SCN8A: variants seen among roughly 807,000 people sequenced by gnomAD.
SCN8A encodes the protein sodium voltage-gated channel alpha subunit 8, also known as sodium channel protein type 8 subunit alpha.
A neutral mutation model predicts 184.1 loss-of-function variants in SCN8A; 30 were observed. That is an observed-to-expected ratio of 0.16 (90% CI 0.12 to 0.22). The LOEUF (loss-of-function observed/expected upper bound fraction) is 0.22, where lower values mean the gene tolerates loss of function less well. Ranked by LOEUF, SCN8A falls within the 10% of genes least tolerant of loss-of-function variation. The pLI, the probability that SCN8A is intolerant of heterozygous loss-of-function variation, is 1.00. For synonymous variants in SCN8A, 852 were observed against 907.0 expected (o/e 0.94, Z 1.09); for missense variants, 1,057 against 2,498.9 (o/e 0.42, Z 12.30).
intron 1 of SCN8A, among the ~76,000 whole-genome samples, chr12:51,626,922 G>A (rs1338459249): frequency 1.3e-5 from 2 of 151,950 alleles, no homozygotes; most frequent in Non-Finnish European, 1.5e-5. Flanking sequence ...GAACATGTAA[G>A]CAAAAGCATG....
intron 21 of SCN8A, among the ~76,000 whole-genome samples, chr12:51,784,537 C>T (rs888780355): frequency 2.0e-5 from 3 of 152,052 alleles, no homozygotes; most frequent in Non-Finnish European, 2.9e-5. Flanking sequence ...CCAGCCTGGT[C>T]GACAGAGTGA....
intron 12 of SCN8A, among the ~76,000 whole-genome samples, chr12:51,728,443 C>T (rs1942187978): frequency 2.0e-5 from 3 of 151,920 alleles, no homozygotes; most frequent in Admixed American, 2.0e-4. Flanking sequence ...ACAATAGTCC[C>T]CTAATGAGAG....
chr12:51,652,605 G>A (rs1390009410), intron 1 of SCN8A, among the ~76,000 whole-genome samples: 1 of 152,116 alleles, frequency 6.6e-6, no homozygotes, highest in Non-Finnish European at 1.5e-5. Context: ...ACTGCTTGCA[G>A]TACCCAAGTG....
chr12:51,765,393 G>T (rs1173843127), intron 15 of SCN8A, among the ~76,000 whole-genome samples: 1 of 152,116 alleles, frequency 6.6e-6, no homozygotes, highest in Non-Finnish European at 1.5e-5. Flanking sequence ...TTTTCAAAAA[G>T]CAGACTGACT....
intron 2 of SCN8A, among the ~76,000 whole-genome samples, chr12:51,669,910 AG>A (rs1451888369): frequency 2.1e-4 from 32 of 152,222 alleles, no homozygotes; most frequent in African/African-American, 7.5e-4. Context: ...TATGTTCATT[AG>A]GTGTGATTTG....
rs566966368 is a variant in SCN8A, at chr12:51,802,819, ACT to A, written c.4796-3458_4796-3457del. Among the ~76,000 whole-genome samples, 303 of 152,272 alleles carry A rather than the reference ACT, an allele frequency of 2.0e-3. 1 individual carries two copies. Among genetic ancestry groups the A allele is most frequent in the African/African-American group, 6.9e-3 (287 of 41,550 alleles). On this transcript the variant is annotated intron_variant, in intron 26 of 26. Coordinates refer to ENST00000627620, the MANE Select transcript of SCN8A (RefSeq NM_001330260.2). The stretch of plus-strand genomic sequence containing the variant: ...TATCAAATGCCATCTATTTTGCATA[ACT>A]CTCTAAACAGTTCACACCAGGGACT...
intron 2 of SCN8A, among the ~76,000 whole-genome samples, chr12:51,679,617 G>A (rs1257300082): frequency 2.6e-5 from 4 of 152,068 alleles, no homozygotes; most frequent in East Asian, 3.8e-4. Context: ...TGCTGGTGCC[G>A]GGTATATTAC....
At chr12:51,688,006 G>A (rs1441522650) in intron 5 of SCN8A, among the ~76,000 whole-genome samples, 2 of 152,178 alleles carry the variant, frequency 1.3e-5, no homozygotes, top group Admixed American at 6.5e-5. Flanking sequence ...GTGGAAAGAT[G>A]TATTTCAACT....
chr12:51,786,442 T>A, intron 21 of SCN8A, 100 bp from the exon 22 acceptor site: 2 of 1,318,020 alleles, frequency 1.5e-6, no homozygotes, highest in South Asian at 2.5e-5. Flanking sequence ...AATGTTTCCA[T>A]ACAGAACAAG....
At chr12:51,765,093 A>T (rs1252024152) in intron 15 of SCN8A, among the ~76,000 whole-genome samples, 1 of 152,110 alleles carries the variant, frequency 6.6e-6, no homozygotes, top group Admixed American at 6.5e-5. Context: ...CTCTTTTCAT[A>T]AGATGACTGA....
At chr12:51,716,679 C>T (rs1331730145) in intron 11 of SCN8A, among the ~76,000 whole-genome samples, 2 of 152,094 alleles carry the variant, frequency 1.3e-5, no homozygotes, top group Non-Finnish European at 2.9e-5. Context: ...AGCAAAGGGG[C>T]CATGAGTACC....
chr12:51,704,823 A>C (rs957989969), intron 9 of SCN8A, among the ~76,000 whole-genome samples: 1 of 150,956 alleles, frequency 6.6e-6, no homozygotes, highest in Non-Finnish European at 1.5e-5. Flanking sequence ...AAATACAAAA[A>C]AATTAGCTGG....
At chr12:51,706,377 G>C (rs771393022) in intron 10 of SCN8A, 45 bp from the exon 11 acceptor site, 1 of 1,484,478 alleles carries the variant, frequency 6.7e-7, no homozygotes, top group Non-Finnish European at 8.9e-7. Context: ...GGTGGCTCCA[G>C]TTAATTGCCC....
At chr12:51,731,937 G>T (rs1942249992) in intron 12 of SCN8A, among the ~76,000 whole-genome samples, 1 of 152,112 alleles carries the variant, frequency 6.6e-6, no homozygotes, top group Non-Finnish European at 1.5e-5. Flanking sequence ...TTCCTATAGA[G>T]TTCTTGGAGC....
chr12:51,666,137 G>A (rs1297718088), intron 2 of SCN8A, among the ~76,000 whole-genome samples: 1 of 152,166 alleles, frequency 6.6e-6, no homozygotes, highest in Non-Finnish European at 1.5e-5. Flanking sequence ...GGACAAAAAA[G>A]TAGTAAATTG....
At chr12:51,801,145 C>T (rs1938546333) in intron 26 of SCN8A, among the ~76,000 whole-genome samples, 1 of 152,200 alleles carries the variant, frequency 6.6e-6, no homozygotes, top group Non-Finnish European at 1.5e-5. Flanking sequence ...CAGAGCTCTA[C>T]ACTAATCAGA....
At chr12:51,770,727 G>A in intron 19 of SCN8A, 44 bp downstream of exon 19, 1 of 1,595,696 alleles carries the variant, frequency 6.3e-7, no homozygotes, top group Non-Finnish European at 8.6e-7. Flanking sequence ...GCTGGGGAAG[G>A]GTGTAGAGAA....
chr12:51,748,346 A>G (rs1184121138), intron 13 of SCN8A, among the ~76,000 whole-genome samples: 2 of 152,196 alleles, frequency 1.3e-5, no homozygotes, highest in Non-Finnish European at 2.9e-5. Flanking sequence ...GAATTCTAGA[A>G]TCCTGTCAAT....
chr12:51,667,872 C>T (rs890260870), intron 2 of SCN8A, among the ~76,000 whole-genome samples: 3 of 152,050 alleles, frequency 2.0e-5, no homozygotes, highest in South Asian at 2.1e-4. Flanking sequence ...AAATAGGGCA[C>T]ACTCCTATTG....
Sources: allele counts gnomAD v4.1 joint callset (sites outside exome capture counted in the v4.1 genomes callset), GRCh38; gene constraint gnomAD v4.1.1; transcripts MANE v1.5; gene names NCBI Gene and HGNC (gene_info 2026-07-23, HGNC 2026-07-21).